The following CELF2 variants were observed in gnomAD, a reference collection of about 807,000 sequenced individuals.
CELF2 encodes CUGBP Elav-like family member 2, also known as CUG triplet repeat RNA-binding protein 2.
Under a neutral mutation model 62.6 loss-of-function variants are expected in CELF2, and 8 were observed. The observed-to-expected ratio is 0.13, with a 90% CI of 0.07 to 0.23. The LOEUF is 0.23. Ranked by LOEUF, CELF2 falls within the 10% of genes least tolerant of loss-of-function variation. CELF2 has a pLI of 1.00. For missense variants in CELF2, 333 were observed against 671.0 expected (o/e 0.50, Z 5.56); for synonymous variants, 258 against 250.0 (o/e 1.03, Z -0.30).
At chr10:10,735,388 G>A in the CELF2 span, among the ~76,000 whole-genome samples, 3 of 152,032 alleles carry the variant, frequency 2.0e-5, no homozygotes, top group East Asian at 1.9e-4. Context: ...AGTATGTTGC[G>A]AAAAAAATTT....
At chr10:10,887,491 C>T (rs538926320) in intron 1 of CELF2, among the ~76,000 whole-genome samples, 12 of 152,228 alleles carry the variant, frequency 7.9e-5, no homozygotes, top group African/African-American at 2.4e-4. Context: ...TTGACTAGGC[C>T]GCTTGTCCAA....
rs1379588938 is a variant in CELF2 at position 11,334,649 on chromosome 10, G to GTCTT, written c.*5598_*5601dup. On this transcript the variant is annotated 3_prime_UTR_variant, in exon 13 of 13. Transcript: ENST00000633077. ...GTTGGATTTGCCAAGGTGTTTTACGGTCTTTTGACCACACAGGTTAATTTC... is the reference window on the plus strand; with the variant it reads ...GTTGGATTTGCCAAGGTGTTTTACGGTCTTTCTTTTGACCACACAGGTTAATTTC... 6.6e-6 allele frequency: 1 copy of GTCTT among 152,158 alleles called. No individual in the cohort carries two copies. Among genetic ancestry groups the GTCTT allele is most frequent in the Admixed American group, 6.5e-5 (1 of 15,280 alleles). The allele number at this position is 152,158 out of a possible 1,614,324, so 9.4% of individuals were successfully genotyped here. A position where few individuals can be genotyped will look rare whatever the true frequency, so the allele number is the denominator to read the frequency against.
chr10:10,551,458 G>T, the CELF2 span, among the ~76,000 whole-genome samples: 1 of 152,078 alleles, frequency 6.6e-6, no homozygotes, highest in Non-Finnish European at 1.5e-5. Context: ...GGAGTTAAGT[G>T]CCTTGTCTTG....
the CELF2 span, among the ~76,000 whole-genome samples, chr10:10,525,777 A>G: frequency 6.6e-6 from 1 of 152,240 alleles, no homozygotes; most frequent in African/African-American, 2.4e-5. Flanking sequence ...TGTTGTCTAA[A>G]ATGATGTGGT....
At chr10:11,135,623 G>A (rs917635714) in intron 1 of CELF2, among the ~76,000 whole-genome samples, 1 of 152,212 alleles carries the variant, frequency 6.6e-6, no homozygotes, top group African/African-American at 2.4e-5. Context: ...GCTCAAGAGA[G>A]GGATGTCAAT....
At chr10:10,962,831 C>G (rs1169090430) in intron 2 of CELF2, among the ~76,000 whole-genome samples, 2 of 152,194 alleles carry the variant, frequency 1.3e-5, no homozygotes, top group Non-Finnish European at 2.9e-5. Flanking sequence ...TTCCCAGCCT[C>G]CCAGTGGTCA....
chr10:10,989,386 G>C (rs1329134319), intron 2 of CELF2, among the ~76,000 whole-genome samples: 2 of 152,048 alleles, frequency 1.3e-5, no homozygotes, highest in Non-Finnish European at 2.9e-5. Context: ...CCTAAGAAAT[G>C]ACAGACGGAT....
At chr10:11,037,170 A>C (rs113986521) in intron 1 of CELF2, among the ~76,000 whole-genome samples, 2 of 152,360 alleles carry the variant, frequency 1.3e-5, no homozygotes, top group African/African-American at 4.8e-5. Flanking sequence ...ACAGTCATGG[A>C]AGAAGACGAA....
chr10:10,652,093 G>T, the CELF2 span, among the ~76,000 whole-genome samples: 2 of 136,980 alleles, frequency 1.5e-5, no homozygotes, highest in African/African-American at 5.4e-5. Flanking sequence ...CTCAGGAGCC[G>T]ATGCGATCAA....
the CELF2 span, among the ~76,000 whole-genome samples, chr10:10,736,138 A>G: frequency 1.3e-5 from 2 of 152,102 alleles, no homozygotes; most frequent in African/African-American, 4.8e-5. Context: ...TTTACCCTAG[A>G]TTCTTTCTGG....
At chr10:10,508,810 G>A in the CELF2 span, among the ~76,000 whole-genome samples, 1 of 151,582 alleles carries the variant, frequency 6.6e-6, no homozygotes, top group East Asian at 1.9e-4. Flanking sequence ...CAAGTAGCTG[G>A]GATTACAGGC....
the CELF2 span, among the ~76,000 whole-genome samples, chr10:10,740,967 T>A: frequency 1.3e-5 from 2 of 152,058 alleles, no homozygotes; most frequent in African/African-American, 4.8e-5. Context: ...AAGGTACAAA[T>A]GTTTAGTAAG....
In CELF2 at chr10:11,328,997, A is replaced by G; in HGVS notation, c.1510A>G (p.Met504Val). The G allele has an allele frequency of 6.2e-7, 1 of 1,613,572 alleles. No homozygotes were observed. The highest frequency in any genetic ancestry group is 8.5e-7 in the Non-Finnish European group (1 of 1,179,612). ...IQAMNGFQIG[M>V]KRLKVQLKRS... ...AGCTATGAATGGCTTTCAGATCGGC[A>G]TGAAACGCTTGAAGGTGCAGCTGAA... Residue 504 changes from methionine to valine, a missense_variant, in exon 13 of 13, where the codon ATG becomes GTG. By Grantham distance (21) the Met-to-Val change is conservative. Coordinates refer to ENST00000633077, the MANE Select transcript of CELF2 (RefSeq NM_001326342.2). This position sits in a 1 kb window ranked among gnomAD's most constrained non-coding sequence, Gnocchi z 6.4.
intron 1 of CELF2, among the ~76,000 whole-genome samples, chr10:10,805,871 T>G (rs2131605901): frequency 6.6e-6 from 1 of 152,324 alleles, no homozygotes; most frequent in African/African-American, 2.4e-5. Flanking sequence ...CTAAACCATC[T>G]GTTGAGACTC....
chr10:10,519,571 A>G, the CELF2 span, among the ~76,000 whole-genome samples: 1 of 152,214 alleles, frequency 6.6e-6, no homozygotes, highest in Admixed American at 6.5e-5. Flanking sequence ...AATGCTGAAA[A>G]TTAAAGAATG....
chr10:11,024,622 G>GTAA lies in CELF2; in HGVS notation c.74+6476_74+6478dup, dbSNP rs58540409. 1.6e-3 allele frequency among the ~76,000 whole-genome samples: 241 copies of GTAA among 151,664 alleles called. No individual in the cohort carries two copies. The Middle Eastern group carries it at 0.024, about 15-fold the overall frequency. On this transcript the variant is annotated intron_variant, in intron 1 of 12. Transcript: ENST00000633077. Reference sequence around the variant, plus strand: ...TCTTCTTCTTCTAAGAATAATAATAGTAATAATAATAATAATAATGAAGAA... The same window carrying GTAA: ...TCTTCTTCTTCTAAGAATAATAATAGTAATAATAATAATAATAATAATGAAGAA...
At chr10:11,158,043 C>T (rs1433766723) in intron 1 of CELF2, among the ~76,000 whole-genome samples, 1 of 152,196 alleles carries the variant, frequency 6.6e-6, no homozygotes, top group Non-Finnish European at 1.5e-5. Flanking sequence ...TCTTGGGAAG[C>T]GCAGGCCCCT....
intron 1 of CELF2, among the ~76,000 whole-genome samples, chr10:11,058,695 T>TG (rs1306038219): frequency 1.3e-5 from 2 of 152,090 alleles, no homozygotes; most frequent in Non-Finnish European, 2.9e-5. Context: ...CTCAAACTGC[T>TG]GACCTCAGGC....
rs958684493 is a variant in CELF2, at chr10:10,931,374, G to A, written c.89+11375G>A. 1.3e-5 allele frequency among the ~76,000 whole-genome samples: 2 copies of A among 152,034 alleles called. No individual in the cohort carries two copies. The highest frequency in any genetic ancestry group is 2.9e-5 in the Non-Finnish European group (2 of 68,016). On this transcript the variant is annotated intron_variant, in intron 2 of 13. Transcript: ENST00000636488. The surrounding 1 kb of genome is among the most constrained non-coding windows in gnomAD (Gnocchi z 6.1). ...TTGTCATGCTGGCTGGGGGTGGGGG[G>A]TGTAACTTTAAGGAATAATGCCAAG...
Sources: gnomAD v4.1 joint callset for allele counts (sites outside exome capture counted in the v4.1 genomes callset) on GRCh38, gnomAD v4.1.1 for gene constraint, Gnocchi (gnomAD v3.1) non-coding constraint, MANE v1.5 for transcripts, NCBI Gene and HGNC (gene_info 2026-07-23, HGNC 2026-07-21) for gene names.